SLC7A1: variants seen among roughly 807,000 people sequenced by gnomAD.
SLC7A1 encodes the protein high affinity cationic amino acid transporter 1.
SLC7A1 carries 10 observed loss-of-function variants against 53.9 expected under a neutral mutation model. The ratio of observed to expected loss-of-function variants is 0.19; its 90% CI spans 0.11 to 0.31. The LOEUF (loss-of-function observed/expected upper bound fraction) is 0.31, where lower values mean the gene tolerates loss of function less well. SLC7A1 is among the 10% of genes least tolerant of loss of function. The pLI, the probability that SLC7A1 is intolerant of heterozygous loss-of-function variation, is 1.00. For synonymous variants in SLC7A1, 342 were observed against 338.7 expected (o/e 1.01, Z -0.11); for missense variants, 525 against 827.2 (o/e 0.63, Z 4.48).
intron 2 of SLC7A1, among the ~76,000 whole-genome samples, chr13:29,547,631 T>A (rs1478920385): frequency 1.3e-5 from 2 of 152,238 alleles, no homozygotes; most frequent in African/African-American, 4.8e-5. Flanking sequence ...CGACAATTTT[T>A]AAATAATGAG....
At chr13:29,560,248 G>A (rs535959556) in intron 1 of SLC7A1, among the ~76,000 whole-genome samples, 2 of 151,890 alleles carry the variant, frequency 1.3e-5, no homozygotes, top group East Asian at 3.9e-4. Context: ...CCACCTCTAC[G>A]TCTTGTCCCA....
At chr13:29,520,310 C>T (rs1868575696) in intron 8 of SLC7A1, among the ~76,000 whole-genome samples, 1 of 152,146 alleles carries the variant, frequency 6.6e-6, no homozygotes, top group Non-Finnish European at 1.5e-5. Flanking sequence ...CACCAAGACA[C>T]AGGCATTAGT....
At chr13:29,543,311 G>A (rs1869750662) in intron 2 of SLC7A1, among the ~76,000 whole-genome samples, 1 of 152,182 alleles carries the variant, frequency 6.6e-6, no homozygotes, top group Non-Finnish European at 1.5e-5. Context: ...GGAGGCCTTG[G>A]TTACAAAGAC....
intron 5 of SLC7A1, among the ~76,000 whole-genome samples, chr13:29,526,462 A>C (rs1223992831): frequency 1.3e-5 from 2 of 152,206 alleles, no homozygotes; most frequent in African/African-American, 2.4e-5. Context: ...ACTGCACCCC[A>C]GCCTGTGCAA....
chr13:29,551,691 C>A (rs1870197069), intron 2 of SLC7A1, among the ~76,000 whole-genome samples: 1 of 152,134 alleles, frequency 6.6e-6, no homozygotes. Context: ...GGGAAGAATG[C>A]AGAATGAACT....
At chr13:29,527,090 A>G (rs1196785359) in intron 5 of SLC7A1, among the ~76,000 whole-genome samples, 7 of 142,062 alleles carry the variant, frequency 4.9e-5, no homozygotes, top group Admixed American at 1.4e-4. Flanking sequence ...AAAAAAAAAA[A>G]TCTGCAGGGC....
chr13:29,515,310 G>A (rs1883521049), intron 12 of SLC7A1, among the ~76,000 whole-genome samples: 1 of 152,272 alleles, frequency 6.6e-6, no homozygotes. Flanking sequence ...GAAGTGGCCA[G>A]TGAGCTGTGA....
chr13:29,567,940 G>A (rs1021982744), intron 1 of SLC7A1, among the ~76,000 whole-genome samples: 7 of 152,140 alleles, frequency 4.6e-5, no homozygotes, highest in South Asian at 2.1e-4. Flanking sequence ...CTTCTAGGAG[G>A]GATTGACTCC....
chr13:29,534,576 A>C (rs1869320872), intron 3 of SLC7A1, among the ~76,000 whole-genome samples: 3 of 152,220 alleles, frequency 2.0e-5, no homozygotes, highest in Admixed American at 2.0e-4. Flanking sequence ...TGCTCGGAGA[A>C]TGTGAGTGTG....
At chr13:29,594,228 C>T (rs1197648498) in intron 1 of SLC7A1, among the ~76,000 whole-genome samples, 3 of 152,260 alleles carry the variant, frequency 2.0e-5, no homozygotes, top group African/African-American at 7.2e-5. Context: ...CAGAGGCCGA[C>T]ATACACAATT....
chr13:29,559,763 T>G (rs944702858), intron 1 of SLC7A1, among the ~76,000 whole-genome samples: 4 of 151,922 alleles, frequency 2.6e-5, no homozygotes, highest in Non-Finnish European at 4.4e-5. Flanking sequence ...TCGCTCAGGC[T>G]GGAGTGCAGT....
intron 7 of SLC7A1, 114 bp downstream of exon 7, chr13:29,523,152 T>A: frequency 1.2e-6 from 1 of 856,758 alleles, no homozygotes; most frequent in Non-Finnish European, 1.9e-6. Flanking sequence ...ATTTCAAGGG[T>A]AAAGAATGCT....
chr13:29,565,239 T>C (rs577446013), intron 1 of SLC7A1, among the ~76,000 whole-genome samples: 70 of 151,954 alleles, frequency 4.6e-4, no homozygotes, highest in Non-Finnish European at 7.4e-4. Flanking sequence ...AGTGAGGAGG[T>C]GACTATGTTA....
In SLC7A1 at chr13:29,511,982, TTGTG is replaced by T. The variant is rs1443733605; in HGVS notation, c.*2494_*2497del. ...TGTGAAACTATCATTTTTTTTTTGC[TTGTG>T]TGTATTTTTATTTCAGGGAAAGAAA... On this transcript the variant is annotated 3_prime_UTR_variant, in exon 13 of 13. Transcript: ENST00000380752. The T allele has an allele frequency of 6.6e-6, 1 of 152,136 alleles. No homozygotes were observed. The highest frequency in any genetic ancestry group is 1.5e-5 in the Non-Finnish European group (1 of 68,034). 9.4% of individuals were successfully genotyped at this position (152,136 alleles called of 1,614,324 possible). A position where few individuals can be genotyped will look rare whatever the true frequency, so the allele number is the denominator to read the frequency against.
chr13:29,544,348 T>A (rs950561395), intron 2 of SLC7A1, among the ~76,000 whole-genome samples: 5 of 152,252 alleles, frequency 3.3e-5, no homozygotes, highest in Admixed American at 2.0e-4. Flanking sequence ...TTCTTTTCCA[T>A]CATTTGCTGT....
rs1283861531 is a variant in SLC7A1 at position 29,517,295 on chromosome 13, G to A, written c.1526C>T (p.Thr509Ile). Reference protein sequence around the residue: ...STSLIAVLIITFCIVTVLGRE... With the variant: ...STSLIAVLIIIFCIVTVLGRE... ...TCCAAGCACGGTCACAATGCAGAAG[G>A]TGATGATGAGAACAGCTAAGGGGGA... is the stretch of plus-strand genomic sequence containing the variant. The change falls in exon 11 of 13, where the codon ACC becomes ATC. Residue 509 changes from threonine to isoleucine, a missense_variant. This residue lies in a region of SLC7A1 where 122 missense variants were observed against 140.9 expected (regional missense o/e 0.87). Coordinates refer to ENST00000380752, the MANE Select transcript of SLC7A1 (RefSeq NM_003045.5). The A allele has an allele frequency of 4.3e-6, 7 of 1,611,818 alleles. No individual in the cohort carries two copies. The highest frequency in any genetic ancestry group is 5.9e-6 in the Non-Finnish European group (7 of 1,179,170).
chr13:29,547,841 T>C (rs1869990957), intron 2 of SLC7A1, among the ~76,000 whole-genome samples: 1 of 152,152 alleles, frequency 6.6e-6, no homozygotes, highest in South Asian at 2.1e-4. Context: ...AAATTAAATG[T>C]AAAAACAAAG....
chr13:29,575,010 A>T (rs1302934919), intron 1 of SLC7A1, among the ~76,000 whole-genome samples: 1 of 152,182 alleles, frequency 6.6e-6, no homozygotes, highest in Non-Finnish European at 1.5e-5. Context: ...AGCACAAATC[A>T]CAAGTATCTG....
At chr13:29,516,396 C>G in intron 11 of SLC7A1, 150 bp from the exon 12 acceptor site, 4 of 593,842 alleles carry the variant, frequency 6.7e-6, no homozygotes, top group African/African-American at 3.7e-5. Flanking sequence ...CCCCCACTCC[C>G]ACACCCCACA....
Sources: gnomAD v4.1 joint callset for allele counts (sites outside exome capture counted in the v4.1 genomes callset) on GRCh38, gnomAD v4.1.1 for gene constraint, gnomAD v4.1.1 regional missense constraint, MANE v1.5 for transcripts, NCBI Gene and HGNC (gene_info 2026-07-23, HGNC 2026-07-21) for gene names.